Variants in NRG1 observed in about 807,000 individuals in gnomAD.
The protein encoded by NRG1 is neuregulin 1.
A neutral mutation model predicts 63.8 loss-of-function variants in NRG1; 18 were observed. The observed-to-expected ratio is 0.28, with a 90% CI of 0.19 to 0.42. The LOEUF is 0.42. Among genes scored for constraint, NRG1 ranks in the 10% least tolerant of loss-of-function variants. The pLI is 1.00. For missense variants in NRG1, 762 were observed against 814.7 expected, an observed-to-expected ratio of 0.94 and a Z score of 0.79; for synonymous variants, 302 against 301.3, an observed-to-expected ratio of 1.00 and a Z score of -0.02.
intron 1 of NRG1, among the ~76,000 whole-genome samples, chr8:31,800,599 G>T (rs1821670497): frequency 6.6e-6 from 1 of 152,094 alleles, no homozygotes; most frequent in Admixed American, 6.5e-5. Flanking sequence ...GCTTTAAGTG[G>T]TGTTGCTAAA....
intron 4 of NRG1, among the ~76,000 whole-genome samples, chr8:32,616,263 T>C (rs1428294103): frequency 1.3e-5 from 2 of 152,090 alleles, no homozygotes; most frequent in Non-Finnish European, 2.9e-5. Flanking sequence ...AACTATTGTA[T>C]GATTTATTTA....
At chr8:31,824,438 A>G (rs772165425) in intron 1 of NRG1, among the ~76,000 whole-genome samples, 4 of 152,186 alleles carry the variant, frequency 2.6e-5, no homozygotes, top group Admixed American at 6.5e-5. Context: ...CAAAATAAAC[A>G]TACTGAAAAT....
intron 5 of NRG1, among the ~76,000 whole-genome samples, chr8:32,686,853 T>A (rs1012514895): frequency 6.6e-6 from 1 of 152,168 alleles, no homozygotes; most frequent in African/African-American, 2.4e-5. Context: ...AGGGAGCTCC[T>A]TGAAGACAGA....
chr8:32,537,211 A>AAAAAAAC, intron 1 of NRG1, among the ~76,000 whole-genome samples: 1 of 149,564 alleles, frequency 6.7e-6, no homozygotes, highest in Non-Finnish European at 1.5e-5. Context: ...AAAAAAAAAA[A>AAAAAAAC]AAAAAAAAAG....
In NRG1 at chr8:31,660,135, A is replaced by G. The variant is rs919400379; in HGVS notation, c.37+20704A>G. 1.2e-4 allele frequency among the ~76,000 whole-genome samples: 19 copies of G among 152,234 alleles called. 1 individual carries two copies. The highest frequency in any genetic ancestry group is 2.8e-4 in the Non-Finnish European group (19 of 68,044). On this transcript the variant is annotated intron_variant, in intron 1 of 10. Transcript: ENST00000519301. Reference sequence around the variant, plus strand: ...AAACGCAACGTATGTGACAGCCATTATAATGTAAATAATAAAAGTAACAGG... The same window carrying G: ...AAACGCAACGTATGTGACAGCCATTGTAATGTAAATAATAAAAGTAACAGG...
rs368054524 is a variant in NRG1 at position 32,412,453 on chromosome 8, C to CAT, written c.38-183354_38-183353dup. The stretch of plus-strand genomic sequence containing the variant: ...ATATATATATATATATATATATATA[C>CAT]ATATATATATATATATATATATGAA... On this transcript the variant is annotated intron_variant, in intron 1 of 10. Coordinates refer to the NRG1 transcript ENST00000519301. Among the ~76,000 whole-genome samples, 557 of 76,624 alleles carry CAT rather than the reference C, an allele frequency of 7.3e-3. 8 individuals carry two copies. Among genetic ancestry groups the CAT allele is most frequent in the African/African-American group, 0.019 (374 of 19,718 alleles). 50.3% of individuals were successfully genotyped at this position (76,624 alleles called of 152,430 possible).
chr8:32,433,857 G>A (rs1225645127), intron 1 of NRG1, among the ~76,000 whole-genome samples: 6 of 152,026 alleles, frequency 3.9e-5, no homozygotes, highest in African/African-American at 1.2e-4. Context: ...TGAAAGGTTT[G>A]TGGCCTTCCC....
At chr8:32,418,356 T>C (rs1381932382) in intron 1 of NRG1, among the ~76,000 whole-genome samples, 2 of 151,622 alleles carry the variant, frequency 1.3e-5, no homozygotes, top group African/African-American at 4.8e-5. Flanking sequence ...CTTTTAATAA[T>C]ATACTCTCTT....
intron 1 of NRG1, among the ~76,000 whole-genome samples, chr8:32,247,112 TAA>T (rs34342943): frequency 6.7e-6 from 1 of 149,784 alleles, no homozygotes; most frequent in African/African-American, 2.4e-5. Flanking sequence ...AGTTTTTTTT[TAA>T]AAAAAAGGAA....
chr8:32,743,597 A>ATATATATAT (rs1335040311), intron 7 of NRG1, among the ~76,000 whole-genome samples: 3,162 of 36,726 alleles, frequency 0.086, 52 homozygotes, highest in Middle Eastern at 0.13. Flanking sequence ...TATATATATA[A>ATATATATAT]AACTTAATAA....
intron 2 of NRG1, among the ~76,000 whole-genome samples, chr8:32,604,560 G>C (rs548712031): frequency 6.6e-6 from 1 of 152,184 alleles, no homozygotes; most frequent in East Asian, 1.9e-4. Flanking sequence ...TAGAAGGATT[G>C]CTATTATTTT....
chr8:31,726,995 C>T (rs1457727140), intron 1 of NRG1, among the ~76,000 whole-genome samples: 1 of 152,090 alleles, frequency 6.6e-6, no homozygotes, highest in Non-Finnish European at 1.5e-5. Context: ...TCCATTACAA[C>T]AGGCTATTCT....
intron 1 of NRG1, among the ~76,000 whole-genome samples, chr8:31,858,866 C>T (rs549520617): frequency 1.2e-3 from 182 of 152,288 alleles, no homozygotes; most frequent in African/African-American, 4.0e-3. Context: ...GCCTCATTTG[C>T]CATATTCACC....
At chr8:32,484,343 A>G (rs1825672463) in intron 1 of NRG1, among the ~76,000 whole-genome samples, 1 of 152,186 alleles carries the variant, frequency 6.6e-6, no homozygotes, top group African/African-American at 2.4e-5. Context: ...TACATTTTGA[A>G]TTAGTGTGAT....
chr8:32,748,078 T>G (rs1023758313), intron 7 of NRG1, among the ~76,000 whole-genome samples: 29 of 152,148 alleles, frequency 1.9e-4, no homozygotes, highest in African/African-American at 6.3e-4. Context: ...ACCAAGATGA[T>G]TCCAGCACAC....
intron 1 of NRG1, among the ~76,000 whole-genome samples, chr8:32,560,218 T>G (rs1263450567): frequency 6.6e-6 from 1 of 152,110 alleles, no homozygotes; most frequent in African/African-American, 2.4e-5. Flanking sequence ...TGCTTTTTTT[T>G]TTGTTTGCAA....
chr8:32,634,700 G>A (rs996727902), intron 5 of NRG1, among the ~76,000 whole-genome samples: 2 of 152,110 alleles, frequency 1.3e-5, no homozygotes, highest in Non-Finnish European at 2.9e-5. Flanking sequence ...TGAGTCTTGT[G>A]TAAGTCCAAA....
chr8:32,126,759 G>A (rs1036162631), intron 1 of NRG1, among the ~76,000 whole-genome samples: 1 of 151,930 alleles, frequency 6.6e-6, no homozygotes, highest in African/African-American at 2.4e-5. Context: ...TCAGTAAGAT[G>A]TTTAGCTTTT....
intron 1 of NRG1, among the ~76,000 whole-genome samples, chr8:32,003,831 AT>A (rs1335446473): frequency 2.5e-4 from 38 of 151,906 alleles, no homozygotes; most frequent in Non-Finnish European, 5.2e-4. Context: ...AGAAACAAGT[AT>A]TCAATTGTTA....
Sources: gnomAD v4.1 joint callset for allele counts (sites outside exome capture counted in the v4.1 genomes callset) on GRCh38, gnomAD v4.1.1 for gene constraint, MANE v1.5 for transcripts, NCBI Gene and HGNC (gene_info 2026-07-23, HGNC 2026-07-21) for gene names.